ZFHX3: variants seen among roughly 807,000 people sequenced by gnomAD.
ZFHX3 encodes zinc finger homeobox 3.
In ZFHX3, 42 loss-of-function variants were observed where a neutral mutation model predicts 279.1. That is an observed-to-expected ratio of 0.15 (90% confidence interval 0.12 to 0.19). The LOEUF is 0.19. ZFHX3 is among the 10% of genes least tolerant of loss of function. ZFHX3 has a pLI of 1.00. For missense variants in ZFHX3, 4,981 were observed against 4,754.0 expected (o/e 1.05, Z -1.40); for synonymous variants, 2,293 against 1,957.8 (o/e 1.17, Z -4.52).
chr16:72,968,627 A>G (rs11640825), intron 1 of ZFHX3, among the ~76,000 whole-genome samples: 43,352 of 151,534 alleles, frequency 0.29, 6,803 homozygotes, highest in Non-Finnish European at 0.35. Context: ...CGCCTGGCTA[A>G]TTTTTTCATA....
At chr16:72,945,716 G>T (rs1596995838) in intron 3 of ZFHX3, among the ~76,000 whole-genome samples, 1 of 152,016 alleles carries the variant, frequency 6.6e-6, no homozygotes, top group East Asian at 1.9e-4. Flanking sequence ...GAGGCAACTG[G>T]CTCCAGAATC....
chr16:73,575,197 G>A (rs189268907), intron 2 of ZFHX3, among the ~76,000 whole-genome samples: 92 of 152,250 alleles, frequency 6.0e-4, no homozygotes, highest in Non-Finnish European at 7.6e-4. Context: ...CCTGCTCCTG[G>A]AATATGTGAG....
chr16:73,614,283 C>G (rs910991150), intron 2 of ZFHX3, among the ~76,000 whole-genome samples: 4 of 152,152 alleles, frequency 2.6e-5, no homozygotes, highest in Non-Finnish European at 5.9e-5. Context: ...CAGCCATTTA[C>G]AAATAAAATT....
intron 6 of ZFHX3, among the ~76,000 whole-genome samples, chr16:73,140,778 C>A (rs563274902): frequency 6.6e-6 from 1 of 152,114 alleles, no homozygotes; most frequent in African/African-American, 2.4e-5. Flanking sequence ...CAATTGAACC[C>A]GGGAGGTGGA....
intron 3 of ZFHX3, among the ~76,000 whole-genome samples, chr16:73,376,326 T>C (rs1043380381): frequency 1.3e-5 from 2 of 152,360 alleles, no homozygotes; most frequent in Non-Finnish European, 2.9e-5. Flanking sequence ...TACCGACTTG[T>C]TACAATTCTT....
At chr16:73,841,352 G>T (rs1382687330) in intron 1 of ZFHX3, among the ~76,000 whole-genome samples, 26 of 152,066 alleles carry the variant, frequency 1.7e-4, no homozygotes, top group Admixed American at 1.7e-3. Context: ...TGGGAGCTGG[G>T]TGCACAGCAG....
rs544498857 is a variant in ZFHX3, at chr16:73,031,272, C to G, written c.-50+16480G>C. 7.9e-5 allele frequency among the ~76,000 whole-genome samples: 12 copies of G among 151,516 alleles called. No homozygotes were observed. The South Asian group carries it at 1.7e-3, about 21-fold the overall frequency. On this transcript the variant is annotated intron_variant, in intron 1 of 9. Coordinates refer to ENST00000268489, the MANE Select transcript of ZFHX3 (RefSeq NM_006885.4). ...ATCCCAGGTAGCCGACCAAAAAAGC[C>G]TGGCGGCGGGGGGGGAAGTAAACAT...
At chr16:72,929,946 G>C (rs781590269) in intron 3 of ZFHX3, among the ~76,000 whole-genome samples, 1 of 152,242 alleles carries the variant, frequency 6.6e-6, no homozygotes, top group African/African-American at 2.4e-5. Context: ...GGCTGGGCGC[G>C]GTGGCTCACG....
At position 73,103,023 on chromosome 16, in the gene ZFHX3, G is replaced by GGATCGA. The variant is rs1966250700; in HGVS notation, c.-896-9431_-896-9426dup. ...CACTGCAACCTGCACCTCCCAGGTTGGATCGATTCTCCTGCCTCAGCCTCC... is the reference window on the plus strand; with the variant it reads ...CACTGCAACCTGCACCTCCCAGGTTGGATCGAGATCGATTCTCCTGCCTCAGCCTCC... On this transcript the variant is annotated intron_variant, in intron 7 of 17. Transcript: ENST00000641206. Among the ~76,000 whole-genome samples the GGATCGA allele has an allele frequency of 3.3e-5, 5 of 151,920 alleles. No individual in the cohort carries two copies. The South Asian group carries it at 1.0e-3, about 31-fold the overall frequency.
chr16:73,854,794 T>C (rs930939770), intron 1 of ZFHX3, among the ~76,000 whole-genome samples: 2 of 151,076 alleles, frequency 1.3e-5, no homozygotes, highest in African/African-American at 4.9e-5. Flanking sequence ...CCTAAGACCT[T>C]TGATTGTCTG....
chr16:73,220,073 C>T (rs938256451), intron 5 of ZFHX3, among the ~76,000 whole-genome samples: 4 of 150,650 alleles, frequency 2.7e-5, no homozygotes, highest in South Asian at 2.1e-4. Flanking sequence ...GCAACAAGAG[C>T]GAAACTCCCT....
chr16:73,255,867 C>T (rs1487742162), intron 5 of ZFHX3, among the ~76,000 whole-genome samples: 2 of 152,186 alleles, frequency 1.3e-5, no homozygotes, highest in African/African-American at 2.4e-5. Flanking sequence ...GAGCTCTGAA[C>T]ATGGCCTGGT....
intron 7 of ZFHX3, among the ~76,000 whole-genome samples, chr16:73,112,180 C>T (rs907487949): frequency 6.6e-6 from 1 of 151,710 alleles, no homozygotes; most frequent in Non-Finnish European, 1.5e-5. Flanking sequence ...GGCACCTGAT[C>T]TCAAGAGGGA....
chr16:73,152,760 TAA>T (rs1244368235), intron 5 of ZFHX3, among the ~76,000 whole-genome samples: 9 of 33,916 alleles, frequency 2.7e-4, no homozygotes, highest in South Asian at 9.0e-4. Context: ...ATGAGTTGCT[TAA>T]AAAAAAAAAA....
At chr16:73,830,408 T>G (rs1469587322) in intron 1 of ZFHX3, among the ~76,000 whole-genome samples, 2 of 152,084 alleles carry the variant, frequency 1.3e-5, no homozygotes, top group African/African-American at 4.8e-5. Flanking sequence ...GCTGTTCCTA[T>G]TCGGCCATCT....
At chr16:73,317,358 CT>C (rs2015474837) in intron 4 of ZFHX3, among the ~76,000 whole-genome samples, 1 of 152,114 alleles carries the variant, frequency 6.6e-6, no homozygotes, top group Admixed American at 6.5e-5. Flanking sequence ...CCACTTGCAC[CT>C]GCTAATGTTA....
At chr16:73,237,659 A>T (rs2012996428) in intron 5 of ZFHX3, among the ~76,000 whole-genome samples, 1 of 150,128 alleles carries the variant, frequency 6.7e-6, no homozygotes, top group African/African-American at 2.4e-5. Context: ...GGCATGAGCC[A>T]CTATGCCCAC....
At chr16:73,415,349 C>T (rs184424226) in intron 3 of ZFHX3, among the ~76,000 whole-genome samples, 17 of 152,280 alleles carry the variant, frequency 1.1e-4, no homozygotes, top group African/African-American at 3.9e-4. Flanking sequence ...GAAACTTCAG[C>T]TTTTAAGCCA....
In ZFHX3 at chr16:73,307,963, A is replaced by T. The variant is rs555138100; in HGVS notation, c.-1194+10277T>A. On this transcript the variant is annotated intron_variant, in intron 4 of 17. Coordinates refer to the ZFHX3 transcript ENST00000641206. ...AGCTCCTTAATTCTGTAGGACCAGC[A>T]CTCACCCCCAAATTTGCCAGCTCCC... 2.0e-5 allele frequency among the ~76,000 whole-genome samples: 3 copies of T among 151,762 alleles called. No individual in the cohort carries two copies. In the South Asian group the frequency reaches 6.3e-4, roughly 32 times the overall value.
Sources: gnomAD v4.1 joint callset for allele counts (sites outside exome capture counted in the v4.1 genomes callset) on GRCh38, gnomAD v4.1.1 for gene constraint, MANE v1.5 for transcripts, NCBI Gene and HGNC (gene_info 2026-07-23, HGNC 2026-07-21) for gene names.